The following EBF4 variants were observed in gnomAD, a reference collection of about 807,000 sequenced individuals.
The protein encoded by EBF4 is EBF transcription factor 4.
In EBF4, 34 loss-of-function variants were observed where a neutral mutation model predicts 67.1. That is an observed-to-expected ratio of 0.51 (90% CI 0.39 to 0.67). The LOEUF (loss-of-function observed/expected upper bound fraction) is 0.67. Ranked by LOEUF, EBF4 falls within the 30% of genes least tolerant of loss-of-function variation. EBF4 has a pLI of 0.00. For synonymous variants in EBF4, 387 were observed against 377.7 expected, an observed-to-expected ratio of 1.02 and a Z score of -0.29; for missense variants, 837 against 873.3, an observed-to-expected ratio of 0.96 and a Z score of 0.52.
upstream of EBF4, chr20:2,693,169 G>C (rs1473391376): frequency 6.5e-6 from 1 of 154,926 alleles, no homozygotes; most frequent in East Asian, 1.9e-4. This position sits in a 1 kb window ranked among gnomAD's most constrained non-coding sequence, Gnocchi z 4.6. Flanking sequence ...CCCCGCGCTG[G>C]CGCCGCGGGC....
exon 8 of EBF4, chr20:2,749,418 G>A (rs1309253032): frequency 1.6e-5 from 24 of 1,543,784 alleles, no homozygotes; most frequent in Non-Finnish European, 2.0e-5. Flanking sequence ...TGTCCACGAC[G>A]GTGAGCGTGG....
exon 7 of EBF4, chr20:2,748,599 C>T (rs151042769): frequency 1.0e-5 from 16 of 1,551,490 alleles, no homozygotes; most frequent in African/African-American, 5.5e-5. Context: ...CTGAAGAATG[C>T]GGGGAATCCC....
At chr20:2,719,597 G>T (rs2087653793) in intron 6 of EBF4, among the ~76,000 whole-genome samples, 1 of 151,968 alleles carries the variant, frequency 6.6e-6, no homozygotes, top group African/African-American at 2.4e-5. Flanking sequence ...TAGAGACGAG[G>T]TCTCACCATG....
chr20:2,708,992 C>G lies in EBF4; in HGVS notation c.489-582C>G, dbSNP rs1341478210. ...CTTGAGGCCAGGAGTTCAAAAGCAG[C>G]CTGGCCAACGTGGTGAAACCCCGTC... is the stretch of plus-strand genomic sequence containing the variant. On this transcript the variant is annotated intron_variant, in intron 5 of 16. Coordinates refer to ENST00000609451, the Ensembl canonical transcript of EBF4. 2.6e-5 allele frequency among the ~76,000 whole-genome samples: 4 copies of G among 152,130 alleles called. No individual in the cohort carries two copies. In the East Asian group the frequency reaches 7.7e-4, roughly 29 times the overall value.
chr20:2,721,546 C>G (rs916844620), intron 6 of EBF4, among the ~76,000 whole-genome samples: 1 of 152,108 alleles, frequency 6.6e-6, no homozygotes, highest in Admixed American at 6.5e-5. Flanking sequence ...CTTCCACCTC[C>G]TGGGTTCAAG....
At chr20:2,719,453 T>G (rs1568573744) in intron 6 of EBF4, among the ~76,000 whole-genome samples, 1 of 152,172 alleles carries the variant, frequency 6.6e-6, no homozygotes. Context: ...TTTTGTATTT[T>G]TGTTAGAGAC....
At chr20:2,748,486 G>A in intron 6 of EBF4, 63 bp from the exon 7 acceptor site, 1 of 1,484,058 alleles carries the variant, frequency 6.7e-7, no homozygotes, top group Non-Finnish European at 9.2e-7. Context: ...GCAGGGAGCA[G>A]TTGGATCTTC....
At chr20:2,702,399 G>A (rs2087389140) in intron 1 of EBF4, among the ~76,000 whole-genome samples, 1 of 151,306 alleles carries the variant, frequency 6.6e-6, no homozygotes, top group African/African-American at 2.4e-5. Flanking sequence ...CCGCACTCCA[G>A]CCTGGGTGAC....
intron 6 of EBF4, among the ~76,000 whole-genome samples, chr20:2,723,614 G>C (rs1047757564): frequency 2.6e-5 from 4 of 152,134 alleles, no homozygotes; most frequent in Non-Finnish European, 4.4e-5. Flanking sequence ...CTCCCAAAGT[G>C]CTGGGATTAC....
chr20:2,714,446 G>C (rs939089143), intron 6 of EBF4, among the ~76,000 whole-genome samples: 2 of 152,008 alleles, frequency 1.3e-5, no homozygotes, highest in Non-Finnish European at 2.9e-5. Flanking sequence ...CGACCTCCTG[G>C]GCTCAAGCCA....
rs1318118401 is a variant in EBF4, at chr20:2,756,609, G to A, written c.1738+785G>A. ...GGGATGCTTCCACGGGATCCCCTAG[G>A]ACTCAATCTGGCATGCAGCAGGTGT... On this transcript the variant is annotated intron_variant, in intron 15 of 16. Coordinates refer to ENST00000609451, the Ensembl canonical transcript of EBF4. The surrounding 1 kb of genome is among the most constrained non-coding windows in gnomAD (Gnocchi z 4.5). 6.6e-6 allele frequency among the ~76,000 whole-genome samples: 1 copy of A among 152,180 alleles called. No individual in the cohort carries two copies. The highest frequency in any genetic ancestry group is 1.5e-5 in the Non-Finnish European group (1 of 68,046).
intron 6 of EBF4, among the ~76,000 whole-genome samples, chr20:2,720,027 G>A (rs1372780388): frequency 6.6e-6 from 1 of 152,118 alleles, no homozygotes; most frequent in Non-Finnish European, 1.5e-5. Context: ...TCTCCTTGAG[G>A]TTCTATCAAT....
chr20:2,752,466 C>T (rs1328865145), exon 14 of EBF4: 1 of 1,267,858 alleles, frequency 7.9e-7, no homozygotes, highest in Non-Finnish European at 9.9e-7. Flanking sequence ...GCGGCTACGG[C>T]GCGCCGGGCG....
At chr20:2,715,873 C>T (rs1056308914) in intron 6 of EBF4, among the ~76,000 whole-genome samples, 24 of 152,162 alleles carry the variant, frequency 1.6e-4, no homozygotes, top group East Asian at 9.7e-4. Context: ...CTCAGCCTTC[C>T]GAGTAGCTGG....
intron 12 of EBF4, 37 bp downstream of exon 12, chr20:2,752,024 G>A (rs1347438791): frequency 2.0e-6 from 3 of 1,525,342 alleles, no homozygotes; most frequent in Non-Finnish European, 2.6e-6. Flanking sequence ...CGCCGGGACC[G>A]GGGCCCCCCA....
intron 3 of EBF4, 54 bp from the exon 4 acceptor site, chr20:2,706,155 T>C: frequency 1.3e-6 from 2 of 1,551,206 alleles, no homozygotes; most frequent in South Asian, 2.4e-5. Flanking sequence ...GGTCTGGTCA[T>C]TGAGGCTGCA....
chr20:2,707,624 T>G lies in EBF4; in HGVS notation c.415-323T>G, dbSNP rs1414921601. Reference sequence around the variant, plus strand: ...CTGGTGCTGGGTGGGCACAGGAGTATGTCTACCCCACCAGCCACCTGACCT... The same window carrying G: ...CTGGTGCTGGGTGGGCACAGGAGTAGGTCTACCCCACCAGCCACCTGACCT... On this transcript the variant is annotated intron_variant, in intron 4 of 16. Transcript: ENST00000609451. The surrounding 1 kb of genome is among the most constrained non-coding windows in gnomAD (Gnocchi z 4.6). Among the ~76,000 whole-genome samples, 1 of 151,998 alleles carries G rather than the reference T, an allele frequency of 6.6e-6. No individual in the cohort carries two copies. Among genetic ancestry groups the G allele is most frequent in the African/African-American group, 2.4e-5 (1 of 41,350 alleles).
At chr20:2,750,458 C>G (rs935041262) in intron 10 of EBF4, among the ~76,000 whole-genome samples, 2 of 152,232 alleles carry the variant, frequency 1.3e-5, no homozygotes, top group African/African-American at 4.8e-5. Context: ...TTGCACGACG[C>G]CAGGGCGAGC....
intron 6 of EBF4, among the ~76,000 whole-genome samples, chr20:2,735,898 TAAG>T (rs150784586): frequency 0.047 from 7,141 of 152,212 alleles, 560 homozygotes; most frequent in African/African-American, 0.16. Context: ...TACATAATAA[TAAG>T]AAGAAATAGA....
Sources: gnomAD v4.1 joint callset for allele counts (sites outside exome capture counted in the v4.1 genomes callset) on GRCh38, gnomAD v4.1.1 for gene constraint, Gnocchi (gnomAD v3.1) non-coding constraint, MANE v1.5 for transcripts, NCBI Gene and HGNC (gene_info 2026-07-23, HGNC 2026-07-21) for gene names.